The following HERC5 variants were observed in gnomAD, a reference collection of about 807,000 sequenced individuals.
The protein encoded by HERC5 is HECT and RLD domain containing E3 ubiquitin protein ligase 5.
In HERC5, 99 loss-of-function variants were observed where a neutral mutation model predicts 119.6. That is an observed-to-expected ratio of 0.83 (90% CI 0.70 to 0.98). The LOEUF is 0.98. Among genes scored for constraint, HERC5 ranks in the 50% least tolerant of loss-of-function variants. The pLI, the probability that HERC5 is intolerant of heterozygous loss-of-function variation, is 0.00. For synonymous variants in HERC5, 478 were observed against 445.9 expected, an observed-to-expected ratio of 1.07 and a Z score of -0.91; for missense variants, 1,267 against 1,241.3, an observed-to-expected ratio of 1.02 and a Z score of -0.31.
chr4:88,494,479 T>C, intron 18 of HERC5, 148 bp downstream of exon 18: 1 of 696,984 alleles, frequency 1.4e-6, no homozygotes, highest in South Asian at 1.9e-5. Flanking sequence ...AATTGTTGGA[T>C]GATAATTTCG....
At chr4:88,500,019 G>C (rs1255657037) in intron 19 of HERC5, 27 bp downstream of exon 19, 2 of 1,425,602 alleles carry the variant, frequency 1.4e-6, no homozygotes, top group Admixed American at 1.7e-5. Flanking sequence ...GCAGATAACA[G>C]ATTAGTTTTA....
At chr4:88,499,247 T>TC (rs1312868897) in intron 18 of HERC5, among the ~76,000 whole-genome samples, 1 of 152,180 alleles carries the variant, frequency 6.6e-6, no homozygotes, top group Non-Finnish European at 1.5e-5. Flanking sequence ...CAACTTTACA[T>TC]CCCCTATGCC....
rs1345294280 is a variant in HERC5 at position 88,479,387 on chromosome 4, C to G, written c.1617C>G (p.Phe539Leu). 2 of 1,609,430 alleles carry G rather than the reference C, an allele frequency of 1.2e-6. No homozygotes were observed. Among genetic ancestry groups the G allele is most frequent in the South Asian group, 2.2e-5 (2 of 89,958 alleles). The change falls in exon 13 of 23, where the codon TTC becomes TTG. Residue 539 changes from phenylalanine to leucine, a missense_variant. This residue lies in a region of HERC5 where 777 missense variants were observed against 758.0 expected (regional missense o/e 1.03). Coordinates refer to ENST00000264350, the MANE Select transcript of HERC5 (RefSeq NM_016323.4). ...GGGCAACTCTGCAAGAATCCACTTTCAGCAAACTGGTCCAGATGTTTAAAA... is the reference window on the plus strand; with the variant it reads ...GGGCAACTCTGCAAGAATCCACTTTGAGCAAACTGGTCCAGATGTTTAAAA... ...EYWATLQEST[F>L]SKLVQMFKTA...
chr4:88,505,528 C>T (rs1329437214), intron 22 of HERC5, 145 bp from the exon 23 acceptor site: 8 of 603,002 alleles, frequency 1.3e-5, no homozygotes, highest in African/African-American at 3.7e-5. Context: ...AGACATTGTT[C>T]GAATACAATC....
At position 88,457,532 on chromosome 4, in the gene HERC5, C is replaced by G; in HGVS notation, c.263C>G (p.Pro88Arg). 2 of 1,266,482 alleles carry G rather than the reference C, an allele frequency of 1.6e-6. No homozygotes were observed. Among genetic ancestry groups the G allele is most frequent in the Non-Finnish European group, 2.0e-6 (2 of 1,005,612 alleles). The allele number at this position is 1,266,482 out of a possible 1,614,324, so 78.5% of individuals were successfully genotyped here. The stretch of plus-strand genomic sequence containing the variant: ...GCCGGGAGCGGCGGCGCCCGGACGC[C>G]GAGTGAGTGGGGCTGGTGTGTGAGG... The part of the protein sequence containing the change: ...LLAGSGGART[P>R]KCIKLGKNMK... Residue 88 changes from proline (P) to arginine (R), a missense_variant and splice_region_variant, in exon 1 of 23, where the codon CCG (proline) becomes CGG (arginine). Pro to Arg is a moderately radical substitution (Grantham distance 103). Coordinates refer to ENST00000264350, the MANE Select transcript of HERC5 (RefSeq NM_016323.4).
chr4:88,496,098 T>G (rs905465389), intron 18 of HERC5, among the ~76,000 whole-genome samples: 2 of 152,238 alleles, frequency 1.3e-5, no homozygotes, highest in African/African-American at 2.4e-5. Context: ...AAAACTCTTC[T>G]GTTTACTCAC....
chr4:88,469,721 T>G (rs1740801617), intron 9 of HERC5, among the ~76,000 whole-genome samples: 1 of 152,242 alleles, frequency 6.6e-6, no homozygotes. Context: ...AGTTTACCAT[T>G]TTAAATGTTA....
At chr4:88,504,440 T>G (rs1742045753) in intron 21 of HERC5, 25 bp downstream of exon 21, 21 of 1,567,488 alleles carry the variant, frequency 1.3e-5, no homozygotes, top group Non-Finnish European at 1.8e-5. Context: ...CTAAGTTGAT[T>G]AAATTCAGTT....
chr4:88,463,504 C>G, intron 4 of HERC5, 28 bp from the exon 5 acceptor site: 1 of 1,494,694 alleles, frequency 6.7e-7, no homozygotes, highest in South Asian at 1.1e-5. Flanking sequence ...TCCTTTTGGT[C>G]ACTTCAGCTA....
intron 18 of HERC5, among the ~76,000 whole-genome samples, chr4:88,498,681 G>A (rs570219889): frequency 4.6e-5 from 7 of 152,166 alleles, no homozygotes; most frequent in East Asian, 1.9e-4. Context: ...AGCGATTCTC[G>A]TCCCTCAGCC....
intron 15 of HERC5, among the ~76,000 whole-genome samples, chr4:88,488,433 T>C (rs1004509563): frequency 3.3e-5 from 5 of 152,026 alleles, no homozygotes; most frequent in Non-Finnish European, 7.4e-5. Flanking sequence ...GGTTTCACCA[T>C]GTTGGCCAGG....
intron 13 of HERC5, among the ~76,000 whole-genome samples, chr4:88,480,456 T>TC (rs1421827663): frequency 4.6e-5 from 7 of 151,982 alleles, no homozygotes; most frequent in Non-Finnish European, 8.8e-5. Flanking sequence ...TTTTTTTTTT[T>TC]GTCTTGTTGG....
At chr4:88,477,001 A>G (rs1741085932) in intron 12 of HERC5, among the ~76,000 whole-genome samples, 1 of 150,534 alleles carries the variant, frequency 6.6e-6, no homozygotes, top group Admixed American at 6.6e-5. Context: ...TTATAATATT[A>G]TCCAATATCT....
chr4:88,475,714 C>A, intron 11 of HERC5, 127 bp from the exon 12 acceptor site: 1 of 807,076 alleles, frequency 1.2e-6, no homozygotes, highest in Non-Finnish European at 2.0e-6. Context: ...TTTTAGAAAA[C>A]TCAATGATTA....
chr4:88,481,472 G>C (rs184786312), intron 13 of HERC5, among the ~76,000 whole-genome samples: 38 of 152,056 alleles, frequency 2.5e-4, no homozygotes, highest in Admixed American at 2.4e-3. Flanking sequence ...TGCTTTTATG[G>C]TGTTTTTTGA....
Position 88,500,937 on chromosome 4 carries a change from CAAACTT to C in HERC5, c.2537_2542del (p.Asn846_Leu847del), listed in dbSNP as rs1454702107. ...CAGGTGCACTGGGACAGAAACGACA[CAAACTT>C]AATTCCTAATGGAAGTAGCATAACT... On this transcript the variant is annotated inframe_deletion, in exon 20 of 23. Transcript: ENST00000264350. 1.4e-5 allele frequency: 22 copies of C among 1,611,724 alleles called. No homozygotes were observed. The highest frequency in any genetic ancestry group is 1.8e-5 in the Non-Finnish European group (21 of 1,179,302).
intron 12 of HERC5, among the ~76,000 whole-genome samples, chr4:88,477,170 T>A (rs1325653483): frequency 7.8e-6 from 1 of 128,860 alleles, no homozygotes; most frequent in Non-Finnish European, 1.6e-5. Context: ...AGTCAATAGA[T>A]AGATAGATAG....
At chr4:88,479,150 T>G (rs1741182186) in intron 12 of HERC5, among the ~76,000 whole-genome samples, 1 of 151,642 alleles carries the variant, frequency 6.6e-6, no homozygotes. Flanking sequence ...CCGGGCATGG[T>G]GGTAGGCGCC....
At chr4:88,458,284 G>A (rs1022382227) in intron 1 of HERC5, among the ~76,000 whole-genome samples, 6 of 151,966 alleles carry the variant, frequency 3.9e-5, no homozygotes, top group Non-Finnish European at 7.4e-5. Context: ...TTTTTGGGGG[G>A]TAGTCTGTCA....
Sources: gnomAD v4.1 joint callset for allele counts (sites outside exome capture counted in the v4.1 genomes callset) on GRCh38, gnomAD v4.1.1 for gene constraint, gnomAD v4.1.1 regional missense constraint, MANE v1.5 for transcripts, NCBI Gene and HGNC (gene_info 2026-07-23, HGNC 2026-07-21) for gene names.